The following DGKG variants were observed in gnomAD, a reference collection of about 807,000 sequenced individuals.
The protein encoded by DGKG is diacylglycerol kinase gamma.
DGKG carries 78 observed loss-of-function variants against 105.3 expected under a neutral mutation model. The ratio of observed to expected loss-of-function variants is 0.74; its 90% CI spans 0.62 to 0.89. DGKG has a LOEUF of 0.89. DGKG is among the 40% of genes least tolerant of loss of function. The probability of loss-of-function intolerance (pLI) is 0.00; values close to 1 mark genes in which losing one functional copy is unlikely to be tolerated. For synonymous variants in DGKG, 346 were observed against 367.1 expected (o/e 0.94, Z 0.66); for missense variants, 958 against 1,020.1 (o/e 0.94, Z 0.83).
intron 17 of DGKG, 64 bp from the exon 18 acceptor site, chr3:186,253,246 T>A: frequency 2.3e-6 from 3 of 1,328,782 alleles, no homozygotes; most frequent in Non-Finnish European, 3.3e-6. Flanking sequence ...TTGAGTTGTC[T>A]TTTTATCCCT....
chr3:186,260,088 C>T (rs1721688766), intron 16 of DGKG, among the ~76,000 whole-genome samples: 1 of 152,140 alleles, frequency 6.6e-6, no homozygotes, highest in Non-Finnish European at 1.5e-5. Flanking sequence ...TCTGATGATT[C>T]AGTATGAAGA....
intron 21 of DGKG, 101 bp downstream of exon 21, chr3:186,211,694 G>T: frequency 1.2e-6 from 1 of 847,030 alleles, no homozygotes; most frequent in Non-Finnish European, 2.0e-6. Context: ...CTACGCTCTG[G>T]GTCACCTCTT....
intron 9 of DGKG, among the ~76,000 whole-genome samples, chr3:186,276,438 T>C (rs182260453): frequency 6.6e-6 from 1 of 152,372 alleles, no homozygotes. Context: ...TATTCTCTGA[T>C]TTCTACTTTC....
rs1479323670 is a variant in DGKG at position 186,360,069 on chromosome 3, C to T, written c.-249+1877G>A. The stretch of plus-strand genomic sequence containing the variant: ...GTTGCTGGCTTCTGGGTTCTTTCCT[C>T]GCAGAGGCTCACACATGCACAGCCT... On this transcript the variant is annotated intron_variant, in intron 1 of 24. Transcript: ENST00000265022. Among the ~76,000 whole-genome samples the T allele has an allele frequency of 3.3e-5, 5 of 152,080 alleles. No individual in the cohort carries two copies. The East Asian group carries it at 7.7e-4, about 23-fold the overall frequency.
At chr3:186,336,386 A>T (rs945890729) in intron 1 of DGKG, among the ~76,000 whole-genome samples, 5 of 144,008 alleles carry the variant, frequency 3.5e-5, no homozygotes, top group African/African-American at 8.9e-5. Context: ...CTCCATGTTT[A>T]AAAAAAATGT....
At chr3:186,216,681 G>A (rs1434401889) in intron 20 of DGKG, among the ~76,000 whole-genome samples, 7 of 149,864 alleles carry the variant, frequency 4.7e-5, no homozygotes, top group Admixed American at 4.6e-4. Context: ...ATAGGCACGT[G>A]GTACCCTACA....
chr3:186,244,789 A>T (rs1578717815), intron 19 of DGKG, among the ~76,000 whole-genome samples: 1 of 151,790 alleles, frequency 6.6e-6, no homozygotes, highest in Non-Finnish European at 1.5e-5. Context: ...AGATGTGCGG[A>T]CCCCAGAGAG....
At chr3:186,156,323 A>G (rs1169927772) in intron 24 of DGKG, among the ~76,000 whole-genome samples, 2 of 151,954 alleles carry the variant, frequency 1.3e-5, no homozygotes, top group African/African-American at 2.4e-5. Context: ...ATATAAAGAC[A>G]TTTTCTGAAA....
At chr3:186,288,375 GC>G (rs2071225309) in intron 6 of DGKG, among the ~76,000 whole-genome samples, 1 of 152,216 alleles carries the variant, frequency 6.6e-6, no homozygotes, top group Admixed American at 6.5e-5. Flanking sequence ...AGAGGAGGTA[GC>G]AGTTTTCTGA....
chr3:186,215,016 G>A (rs1272740934), intron 20 of DGKG, among the ~76,000 whole-genome samples: 1 of 152,326 alleles, frequency 6.6e-6, no homozygotes, highest in African/African-American at 2.4e-5. Context: ...CTTGCTGGAG[G>A]GGACACAGAA....
In DGKG at chr3:186,260,498, G is replaced by C. The variant is rs770123742; in HGVS notation, c.1365C>G (p.Phe455Leu). The C allele has an allele frequency of 6.2e-7, 1 of 1,612,186 alleles. No individual in the cohort carries two copies. The highest frequency in any genetic ancestry group is 2.2e-5 in the East Asian group (1 of 44,856). ...GRQGERILRK[F>L]HYLLNPKQVF... ...CTTGTTTGGGGTTGAGCAGATAGTG[G>C]AATTTCCGAAGAATTCTATGGAAAA... The change falls in exon 16 of 25, where the codon TTC (phenylalanine) becomes TTG (leucine). Residue 455 changes from phenylalanine to leucine, a missense_variant. Phe to Leu is a conservative substitution (Grantham distance 22). Coordinates refer to ENST00000265022, the MANE Select transcript of DGKG (RefSeq NM_001346.3).
chr3:186,202,964 A>T (rs908915529), intron 21 of DGKG, among the ~76,000 whole-genome samples: 1 of 152,258 alleles, frequency 6.6e-6, no homozygotes, highest in East Asian at 1.9e-4. Flanking sequence ...TTCACAAAGA[A>T]CAAAAGAAAT....
chr3:186,203,857 T>C lies in DGKG; in HGVS notation c.1917+7938A>G, dbSNP rs780411164. Among the ~76,000 whole-genome samples the C allele has an allele frequency of 3.3e-5, 5 of 152,244 alleles. No homozygotes were observed. The highest frequency in any genetic ancestry group is 5.9e-5 in the Non-Finnish European group (4 of 68,044). On this transcript the variant is annotated intron_variant, in intron 21 of 24. Coordinates refer to ENST00000265022, the MANE Select transcript of DGKG (RefSeq NM_001346.3). This position sits in a 1 kb window ranked among gnomAD's most constrained non-coding sequence, Gnocchi z 4.9. ...GACAGGCTGTACGTCAGCCAATTCC[T>C]ACTTTCCTTACTCCAGGGAAAGGCT...
Position 186,150,021 on chromosome 3 carries a change from A to G in DGKG, c.*69T>C. 1 of 1,548,612 alleles carries G rather than the reference A, an allele frequency of 6.5e-7. No homozygotes were observed. The highest frequency in any genetic ancestry group is 1.9e-5 in the Admixed American group (1 of 51,462). On this transcript the variant is annotated 3_prime_UTR_variant, in exon 25 of 25. Coordinates refer to ENST00000265022, the MANE Select transcript of DGKG (RefSeq NM_001346.3). ...GTGTGCATGTGTGAGTGTGCACATA[A>G]ATTGTGTGTGAGTGTGCATTATAGT... is the stretch of plus-strand genomic sequence containing the variant.
At chr3:186,275,338 A>G (rs1395027853) in intron 10 of DGKG, among the ~76,000 whole-genome samples, 1 of 152,248 alleles carries the variant, frequency 6.6e-6, no homozygotes, top group Non-Finnish European at 1.5e-5. Flanking sequence ...AAAGCCTCCA[A>G]TAATAAATAG....
At chr3:186,313,777 C>T (rs1223465825) in intron 2 of DGKG, among the ~76,000 whole-genome samples, 1 of 151,960 alleles carries the variant, frequency 6.6e-6, no homozygotes, top group African/African-American at 2.4e-5. Context: ...TCCTACTCAT[C>T]GTTAAAAGAA....
Position 186,226,094 on chromosome 3 carries a change from A to C in DGKG, c.1827-14209T>G, listed in dbSNP as rs546954576. ...ACTATTCCACAATCATGGAACACTG[A>C]GAAATGAACTTGACTCTAACTACTA... On this transcript the variant is annotated intron_variant, in intron 20 of 24. Transcript: ENST00000265022. The surrounding 1 kb of genome is among the most constrained non-coding windows in gnomAD (Gnocchi z 4.2). Among the ~76,000 whole-genome samples the C allele has an allele frequency of 4.6e-5, 7 of 152,336 alleles. No individual in the cohort carries two copies. Among genetic ancestry groups the C allele is most frequent in the African/African-American group, 1.7e-4 (7 of 41,568 alleles).
At chr3:186,309,073 T>C (rs116740936) in intron 2 of DGKG, among the ~76,000 whole-genome samples, 1,650 of 152,240 alleles carry the variant, frequency 0.011, 30 homozygotes, top group African/African-American at 0.037. Flanking sequence ...TTTGTTAACA[T>C]AAAGAAAGGT....
intron 1 of DGKG, among the ~76,000 whole-genome samples, chr3:186,358,979 C>G (rs1727104745): frequency 6.6e-6 from 1 of 152,184 alleles, no homozygotes; most frequent in Non-Finnish European, 1.5e-5. Context: ...CTGATACTTG[C>G]TCACATAAAA....
Sources: allele counts gnomAD v4.1 joint callset (sites outside exome capture counted in the v4.1 genomes callset), GRCh38; gene constraint gnomAD v4.1.1; non-coding constraint Gnocchi (gnomAD v3.1); transcripts MANE v1.5; gene names NCBI Gene and HGNC (gene_info 2026-07-23, HGNC 2026-07-21).